The following OSBPL1A variants were observed in gnomAD, a reference collection of about 807,000 sequenced individuals.
OSBPL1A encodes oxysterol-binding protein-related protein 1.
OSBPL1A carries 80 observed loss-of-function variants against 137.1 expected under a neutral mutation model. The observed-to-expected ratio is 0.58, with a 90% CI of 0.49 to 0.70. The LOEUF (loss-of-function observed/expected upper bound fraction) is 0.70, where lower values mean the gene tolerates loss of function less well. Among genes scored for constraint, OSBPL1A ranks in the 30% least tolerant of loss-of-function variants. The probability of loss-of-function intolerance (pLI) is 0.00; values close to 1 mark genes in which losing one functional copy is unlikely to be tolerated. For synonymous variants in OSBPL1A, 365 were observed against 389.7 expected (o/e 0.94, Z 0.75); for missense variants, 970 against 1,129.4 (o/e 0.86, Z 2.02).
Position 24,305,267 on chromosome 18 carries a change from T to C in OSBPL1A, c.1093-1549A>G, listed in dbSNP as rs532653227. Among the ~76,000 whole-genome samples the C allele has an allele frequency of 1.1e-4, 16 of 152,332 alleles. No individual in the cohort carries two copies. In the South Asian group the frequency reaches 3.3e-3, roughly 32 times the overall value. ...GCAGGAAACACCTTCTATAGCATCA[T>C]CTTCAAATACATGAATCACATTTAT... On this transcript the variant is annotated intron_variant, in intron 13 of 27. Coordinates refer to ENST00000319481, the MANE Select transcript of OSBPL1A (RefSeq NM_080597.4).
At chr18:24,180,260 A>G (rs2086565559) in intron 19 of OSBPL1A, among the ~76,000 whole-genome samples, 1 of 152,232 alleles carries the variant, frequency 6.6e-6, no homozygotes, top group African/African-American at 2.4e-5. Flanking sequence ...AAAGGACAGA[A>G]AGACTCAGTT....
At position 24,209,931 on chromosome 18, in the gene OSBPL1A, A is replaced by T. The variant is rs150243401; in HGVS notation, c.1602-13731T>A. 4.3e-3 allele frequency among the ~76,000 whole-genome samples: 654 copies of T among 152,340 alleles called. 6 individuals are homozygous for T. The highest frequency in any genetic ancestry group is 8.0e-3 in the Non-Finnish European group (541 of 68,030). On this transcript the variant is annotated intron_variant, in intron 17 of 27. Coordinates refer to ENST00000319481, the MANE Select transcript of OSBPL1A (RefSeq NM_080597.4). ...AGTGATGGAAATGTTCCACATCTTG[A>T]ATGGGATGTTAGTTACATGGGTCCA... is the stretch of plus-strand genomic sequence containing the variant.
rs574503801 is a variant in OSBPL1A, at chr18:24,212,697, C to T, written c.1601+12345G>A. Among the ~76,000 whole-genome samples, 8 of 152,220 alleles carry T rather than the reference C, an allele frequency of 5.3e-5. No homozygotes were observed. The East Asian group carries it at 9.7e-4, about 18-fold the overall frequency. ...TCCAAAGGTGATAAGATGTATTCCACGGTCATAAAAATACTATTTTTCTCA... is the reference window on the plus strand; with the variant it reads ...TCCAAAGGTGATAAGATGTATTCCATGGTCATAAAAATACTATTTTTCTCA... On this transcript the variant is annotated intron_variant, in intron 17 of 27. Transcript: ENST00000319481.
intron 15 of OSBPL1A, among the ~76,000 whole-genome samples, chr18:24,252,344 A>G (rs1259721464): frequency 1.3e-5 from 2 of 152,134 alleles, no homozygotes; most frequent in Non-Finnish European, 2.9e-5. Context: ...AACAAATAAC[A>G]TTCAGTGGAG....
intron 4 of OSBPL1A, among the ~76,000 whole-genome samples, chr18:24,351,347 C>CAAAAAAAA (rs1172514692): frequency 1.0e-3 from 36 of 35,724 alleles, no homozygotes; most frequent in African/African-American, 1.7e-3. Flanking sequence ...GACTCTGTCT[C>CAAAAAAAA]AAAAAAAAAA....
intron 17 of OSBPL1A, among the ~76,000 whole-genome samples, chr18:24,203,029 A>G (rs918368534): frequency 6.6e-6 from 1 of 152,198 alleles, no homozygotes; most frequent in African/African-American, 2.4e-5. Context: ...CCAGGCTGCA[A>G]TGCAACGGCG....
At chr18:24,234,327 T>C (rs1039403963) in intron 16 of OSBPL1A, among the ~76,000 whole-genome samples, 1 of 152,274 alleles carries the variant, frequency 6.6e-6, no homozygotes, top group Admixed American at 6.5e-5. Context: ...ATTTCATTCC[T>C]TAAACACACC....
chr18:24,357,463 C>G (rs1599710107), intron 4 of OSBPL1A: 1 of 152,062 alleles, frequency 6.6e-6, no homozygotes, highest in Non-Finnish European at 1.5e-5. Context: ...TAAAGATAAG[C>G]TATCACTTTG....
rs372538816 is a variant in OSBPL1A, at chr18:24,286,312, A to G, written c.1175-5364T>C. Among the ~76,000 whole-genome samples the G allele has an allele frequency of 3.5e-3, 529 of 152,346 alleles. 3 individuals are homozygous for G. Among genetic ancestry groups the G allele is most frequent in the Non-Finnish European group, 5.9e-3 (398 of 68,024 alleles). ...ACTACTCCATAAAACTATAACTTGAAAAATATCAAAAGAGGTCATGCTGAA... is the reference window on the plus strand; with the variant it reads ...ACTACTCCATAAAACTATAACTTGAGAAATATCAAAAGAGGTCATGCTGAA... On this transcript the variant is annotated intron_variant, in intron 14 of 27. Transcript: ENST00000319481.
intron 2 of OSBPL1A, among the ~76,000 whole-genome samples, chr18:24,376,579 G>A (rs1017795553): frequency 1.3e-5 from 2 of 152,232 alleles, no homozygotes; most frequent in African/African-American, 4.8e-5. Flanking sequence ...CCATGCGCCC[G>A]CACTCCTCAG....
chr18:24,293,365 G>A (rs2090223079), intron 14 of OSBPL1A, among the ~76,000 whole-genome samples: 1 of 152,086 alleles, frequency 6.6e-6, no homozygotes, highest in Admixed American at 6.6e-5. Context: ...AGTCCGGCTG[G>A]AGAGAATGAA....
chr18:24,187,582 C>A (rs373986024), intron 18 of OSBPL1A, among the ~76,000 whole-genome samples: 7 of 152,242 alleles, frequency 4.6e-5, no homozygotes, highest in African/African-American at 1.7e-4. Context: ...GAGATGAATT[C>A]ATTCATATAA....
chr18:24,378,826 C>T (rs1906380364), intron 1 of OSBPL1A, among the ~76,000 whole-genome samples: 1 of 152,144 alleles, frequency 6.6e-6, no homozygotes, highest in South Asian at 2.1e-4. Context: ...CCCTAAAGTA[C>T]AAGAGAGACA....
intron 14 of OSBPL1A, among the ~76,000 whole-genome samples, chr18:24,293,348 G>C (rs868303446): frequency 6.6e-6 from 1 of 152,102 alleles, no homozygotes; most frequent in African/African-American, 2.4e-5. Flanking sequence ...CAGCACTGCG[G>C]AACCACAGTC....
At chr18:24,288,232 C>G (rs1325532856) in intron 14 of OSBPL1A, among the ~76,000 whole-genome samples, 1 of 152,086 alleles carries the variant, frequency 6.6e-6, no homozygotes, top group African/African-American at 2.4e-5. Flanking sequence ...TACGCTAAGA[C>G]CCAAATGCAT....
At chr18:24,240,331 A>AT (rs1001136622) in intron 15 of OSBPL1A, among the ~76,000 whole-genome samples, 13 of 152,272 alleles carry the variant, frequency 8.5e-5, no homozygotes, top group African/African-American at 3.1e-4. Flanking sequence ...GCCTGGTTTG[A>AT]TTTTTTTACT....
chr18:24,168,432 A>G (rs2086194876), intron 24 of OSBPL1A, among the ~76,000 whole-genome samples: 2 of 152,218 alleles, frequency 1.3e-5, no homozygotes, highest in African/African-American at 4.8e-5. Context: ...TCTGATGAAA[A>G]GAGAATTTTT....
At chr18:24,335,108 C>G (rs2091152516) in intron 5 of OSBPL1A, among the ~76,000 whole-genome samples, 1 of 152,106 alleles carries the variant, frequency 6.6e-6, no homozygotes. Context: ...CCAGGCTGGT[C>G]TCAAACTCCT....
At chr18:24,242,809 T>G (rs1486357790) in intron 15 of OSBPL1A, among the ~76,000 whole-genome samples, 2 of 152,082 alleles carry the variant, frequency 1.3e-5, no homozygotes, top group Non-Finnish European at 1.5e-5. Flanking sequence ...GAAAAACAAA[T>G]TACTCATGTA....
Sources: allele counts gnomAD v4.1 joint callset (sites outside exome capture counted in the v4.1 genomes callset), GRCh38; gene constraint gnomAD v4.1.1; transcripts MANE v1.5; gene names NCBI Gene and HGNC (gene_info 2026-07-23, HGNC 2026-07-21).